The following TMPO variants were observed in gnomAD, a reference collection of about 807,000 sequenced individuals.
TMPO encodes the protein LEM domain containing 4.
Under a neutral mutation model 45.4 loss-of-function variants are expected in TMPO, and 22 were observed. That is an observed-to-expected ratio of 0.48 (90% CI 0.35 to 0.69). The LOEUF is 0.69. Among genes scored for constraint, TMPO ranks in the 30% least tolerant of loss-of-function variants. The pLI, the probability that TMPO is intolerant of heterozygous loss-of-function variation, is 0.01. For synonymous variants in TMPO, 241 were observed against 204.1 expected, an observed-to-expected ratio of 1.18 and a Z score of -1.54; for missense variants, 512 against 548.8, an observed-to-expected ratio of 0.93 and a Z score of 0.67.
At chr12:98,528,694 C>T (rs1192492367) in intron 2 of TMPO, among the ~76,000 whole-genome samples, 1 of 151,794 alleles carries the variant, frequency 6.6e-6, no homozygotes, top group Non-Finnish European at 1.5e-5. Context: ...CGCAGTAGCT[C>T]ACACCTGTAA....
In TMPO at chr12:98,548,303, AATTC is replaced by A. The variant is rs1234463449; in HGVS notation, c.*447_*450del. ...ACTGCAAATATGTGAAACATAATGA[AATTC>A]AGTAAGAGGAAAAGTAACTTGGTTG... On this transcript the variant is annotated 3_prime_UTR_variant, in exon 9 of 9. Coordinates refer to ENST00000556029, the MANE Select transcript of TMPO (RefSeq NM_001032283.3). 6.3e-6 allele frequency: 1 copy of A among 159,136 alleles called. No homozygotes were observed. Among genetic ancestry groups the A allele is most frequent in the Admixed American group, 6.2e-5 (1 of 16,058 alleles). The allele number at this position is 159,136 out of a possible 1,614,324, so 9.9% of individuals were successfully genotyped here.
intron 2 of TMPO, among the ~76,000 whole-genome samples, chr12:98,530,488 A>G (rs973834895): frequency 7.1e-6 from 1 of 141,002 alleles, no homozygotes; most frequent in African/African-American, 2.7e-5. Context: ...AAAAATATCC[A>G]TTATCATTTT....
chr12:98,530,416 G>A (rs900773147), intron 2 of TMPO, among the ~76,000 whole-genome samples: 3 of 151,906 alleles, frequency 2.0e-5, no homozygotes, highest in African/African-American at 7.3e-5. Flanking sequence ...ATTATATGTT[G>A]ATGTATGACC....
intron 3 of TMPO, among the ~76,000 whole-genome samples, chr12:98,536,170 G>T (rs1877553713): frequency 6.6e-6 from 1 of 152,164 alleles, no homozygotes; most frequent in Non-Finnish European, 1.5e-5. Context: ...TGGAAAGTTA[G>T]CAAGACACAT....
chr12:98,537,414 G>T, intron 3 of TMPO, 61 bp from the exon 4 acceptor site: 1 of 1,383,752 alleles, frequency 7.2e-7, no homozygotes. Flanking sequence ...TTAATATTAG[G>T]ATAACATCAT....
rs1210275987 is a variant in TMPO, at chr12:98,550,187, T to A, written c.*2329T>A. 1 of 152,190 alleles carries A rather than the reference T, an allele frequency of 6.6e-6. No individual in the cohort carries two copies. The highest frequency in any genetic ancestry group is 2.4e-5 in the African/African-American group (1 of 41,442). The allele number at this position is 152,190 out of a possible 1,614,324, so 9.4% of individuals were successfully genotyped here. A position where few individuals can be genotyped will look rare whatever the true frequency, so the allele number is the denominator to read the frequency against. On this transcript the variant is annotated 3_prime_UTR_variant, in exon 9 of 9. Transcript: ENST00000556029. ...TTAAAAACATGTACTTGGTCTTTTG[T>A]GTGTGTCTGTTTTATTCCATTAGAA...
At chr12:98,542,029 C>G (rs1877943922) in intron 4 of TMPO, among the ~76,000 whole-genome samples, 1 of 152,178 alleles carries the variant, frequency 6.6e-6, no homozygotes, top group South Asian at 2.1e-4. Flanking sequence ...TTTAACCACT[C>G]TCCATTTGGT....
At chr12:98,527,571 G>A (rs1876873766) in intron 1 of TMPO, 6 of 201,640 alleles carry the variant, frequency 3.0e-5, no homozygotes, top group East Asian at 1.4e-4. Flanking sequence ...GTTACCCAAA[G>A]TCAGTTTTAC....
chr12:98,530,207 C>T (rs1310432140), intron 2 of TMPO, among the ~76,000 whole-genome samples: 4 of 151,624 alleles, frequency 2.6e-5, no homozygotes, highest in Non-Finnish European at 4.4e-5. Context: ...GCATGTAGTG[C>T]ACACTTGTAG....
chr12:98,522,728 G>C (rs1015116962), intron 1 of TMPO, among the ~76,000 whole-genome samples: 1 of 152,228 alleles, frequency 6.6e-6, no homozygotes, highest in Non-Finnish European at 1.5e-5. Context: ...GTAGATAAGT[G>C]AAAGTGACAT....
chr12:98,534,195 C>T lies in TMPO; in HGVS notation c.565+2357C>T. The T allele has an allele frequency of 5.6e-6, 9 of 1,613,912 alleles. No homozygotes were observed. The highest frequency in any genetic ancestry group is 7.6e-6 in the Non-Finnish European group (9 of 1,179,894). On this transcript the variant is annotated intron_variant, in intron 3 of 8. Transcript: ENST00000556029. ...TGGCTGCCCATACCATGGGAAATGC[C>T]ACTGTAGGTCGTCGATACCTCTGGC...
chr12:98,528,142 CTG>C (rs1309206436), intron 2 of TMPO, 130 bp downstream of exon 2: 1 of 1,046,004 alleles, frequency 9.6e-7, no homozygotes, highest in Non-Finnish European at 1.4e-6. Flanking sequence ...TCAGCAGAAC[CTG>C]TGTTTCTTTG....
chr12:98,536,528 A>G (rs545950398), intron 3 of TMPO, among the ~76,000 whole-genome samples: 3 of 152,140 alleles, frequency 2.0e-5, no homozygotes, highest in Non-Finnish European at 4.4e-5. Context: ...TAATGTTTGT[A>G]TTTTTAGTAG....
In TMPO at chr12:98,547,567, C is replaced by T; in HGVS notation, c.1080-6C>T. 2 of 1,614,048 alleles carry T rather than the reference C, an allele frequency of 1.2e-6. No individual in the cohort carries two copies. The highest frequency in any genetic ancestry group is 1.7e-6 in the Non-Finnish European group (2 of 1,179,972). On this transcript the variant is annotated splice_region_variant and splice_polypyrimidine_tract_variant and intron_variant, in intron 8 of 8. Coordinates refer to ENST00000556029, the MANE Select transcript of TMPO (RefSeq NM_001032283.3). ...ATTTTTCTTTTCCTCCTTTCACTCC[C>T]AACAGTGCTAGTTGCCGCAGACCAA...
At chr12:98,531,179 A>AT (rs1231661484) in intron 2 of TMPO, among the ~76,000 whole-genome samples, 2 of 146,168 alleles carry the variant, frequency 1.4e-5, no homozygotes, top group Non-Finnish European at 3.0e-5. Context: ...ACCTTAGGTG[A>AT]TCCACCCGCC....
In TMPO at chr12:98,515,619, T is replaced by A; in HGVS notation, c.-249T>A. 1 of 649,346 alleles carries A rather than the reference T, an allele frequency of 1.5e-6. No individual in the cohort carries two copies. Among genetic ancestry groups the A allele is most frequent in the Non-Finnish European group, 2.6e-6 (1 of 387,742 alleles). 40.2% of individuals were successfully genotyped at this position (649,346 alleles called of 1,614,324 possible). On this transcript the variant is annotated 5_prime_UTR_variant, in exon 1 of 9. Transcript: ENST00000556029. ...CAGGCTGCTCGCCTCCTGCCTGTAGTGTGTGGGCTGGGGTTGGTGCGAGCT... is the reference window on the plus strand; with the variant it reads ...CAGGCTGCTCGCCTCCTGCCTGTAGAGTGTGGGCTGGGGTTGGTGCGAGCT...
chr12:98,546,592 A>C (rs1299551045), intron 8 of TMPO, 145 bp downstream of exon 8: 2 of 682,048 alleles, frequency 2.9e-6, no homozygotes, highest in South Asian at 1.6e-5. Flanking sequence ...CTGTAGTCCC[A>C]GCTACTCAAG....
At position 98,546,454 on chromosome 12, in the gene TMPO, A is replaced by G; in HGVS notation, c.1079+7A>G. On this transcript the variant is annotated splice_region_variant and intron_variant, in intron 8 of 8. Coordinates refer to ENST00000556029, the MANE Select transcript of TMPO (RefSeq NM_001032283.3). ...CTACACCAACAGGAATTAGGTATTC[A>G]GATACATTTAAACAAGTACTAGTGT... 1 of 1,532,554 alleles carries G rather than the reference A, an allele frequency of 6.5e-7. No homozygotes were observed. The highest frequency in any genetic ancestry group is 9.0e-7 in the Non-Finnish European group (1 of 1,106,354). 94.9% of individuals were successfully genotyped at this position (1,532,554 alleles called of 1,614,324 possible). A position where few individuals can be genotyped will look rare whatever the true frequency, so the allele number is the denominator to read the frequency against.
chr12:98,526,338 G>A (rs1876757479), intron 1 of TMPO, among the ~76,000 whole-genome samples: 1 of 152,108 alleles, frequency 6.6e-6, no homozygotes, highest in Non-Finnish European at 1.5e-5. Context: ...TTGGTTCCAG[G>A]ACCCGGCCAT....
Sources: gnomAD v4.1 joint callset for allele counts (sites outside exome capture counted in the v4.1 genomes callset) on GRCh38, gnomAD v4.1.1 for gene constraint, MANE v1.5 for transcripts, NCBI Gene and HGNC (gene_info 2026-07-23, HGNC 2026-07-21) for gene names.